The following ARHGAP21 variants were observed in gnomAD, a reference collection of about 807,000 sequenced individuals.
ARHGAP21 encodes the protein Rho GTPase activating protein 21.
ARHGAP21 carries 38 observed loss-of-function variants against 164.6 expected under a neutral mutation model. That is an observed-to-expected ratio of 0.23 (90% CI 0.18 to 0.30). ARHGAP21 has a LOEUF of 0.30. ARHGAP21 is among the 10% of genes least tolerant of loss of function. The pLI is 1.00. For missense variants in ARHGAP21, 1,822 were observed against 2,370.7 expected (o/e 0.77, Z 4.81); for synonymous variants, 766 against 857.9 (o/e 0.89, Z 1.87).
intron 14 of ARHGAP21, among the ~76,000 whole-genome samples, chr10:24,598,402 CAAAT>C: frequency 6.6e-6 from 1 of 152,180 alleles, no homozygotes; most frequent in South Asian, 2.1e-4. Context: ...AAAAGAAAAA[CAAAT>C]AATATAGGTG....
chr10:24,699,162 GCTC>G (rs1843425645), intron 2 of ARHGAP21, among the ~76,000 whole-genome samples: 1 of 151,748 alleles, frequency 6.6e-6, no homozygotes, highest in African/African-American at 2.4e-5. Flanking sequence ...CCCCTTTCTG[GCTC>G]CTATTATCTC....
At chr10:24,606,920 C>T (rs1433926736) in intron 11 of ARHGAP21, among the ~76,000 whole-genome samples, 1 of 152,172 alleles carries the variant, frequency 6.6e-6, no homozygotes, top group African/African-American at 2.4e-5. Context: ...TATTTATTCA[C>T]ATGTGCTAAC....
At chr10:24,587,212 A>G (rs1258209109) in intron 25 of ARHGAP21, among the ~76,000 whole-genome samples, 1 of 152,102 alleles carries the variant, frequency 6.6e-6, no homozygotes, top group Admixed American at 6.5e-5. Context: ...TAGAAGCCTT[A>G]GTCTCAAGCT....
At chr10:24,597,249 C>CT (rs933895847) in intron 16 of ARHGAP21, among the ~76,000 whole-genome samples, 198 bp downstream of exon 16, 3 of 152,114 alleles carry the variant, frequency 2.0e-5, no homozygotes, top group African/African-American at 7.2e-5. Context: ...TTTTCCCTCA[C>CT]TTTCGCTTTA....
chr10:24,668,975 G>A (rs1840451531), intron 3 of ARHGAP21, among the ~76,000 whole-genome samples: 1 of 152,118 alleles, frequency 6.6e-6, no homozygotes, highest in South Asian at 2.1e-4. Flanking sequence ...GCTCTCATAT[G>A]TGACCTAATG....
At chr10:24,596,531 C>G (rs1234914507) in intron 17 of ARHGAP21, 1 of 633,486 alleles carries the variant, frequency 1.6e-6, no homozygotes, top group Non-Finnish European at 2.6e-6. Flanking sequence ...CAGACAAATT[C>G]CTAATGGTTG....
At chr10:24,722,781 C>G (rs1346638520) in intron 1 of ARHGAP21, 1 of 151,988 alleles carries the variant, frequency 6.6e-6, no homozygotes. Flanking sequence ...CCCTCCGCCC[C>G]GGCCGGCGTC....
chr10:24,721,034 T>C (rs1384762123), intron 2 of ARHGAP21, among the ~76,000 whole-genome samples: 1 of 151,290 alleles, frequency 6.6e-6, no homozygotes, highest in African/African-American at 2.4e-5. Context: ...TATATGCGTG[T>C]CATAAATCAA....
At position 24,620,189 on chromosome 10, in the gene ARHGAP21, T is replaced by C. The variant is rs1834402314; in HGVS notation, c.1706A>G (p.Asn569Ser). ...CACTCCTCTACCACTCATTCGCCTGTTATCAGAATTAACAACGCTTGGAGC... is the reference window on the plus strand; with the variant it reads ...CACTCCTCTACCACTCATTCGCCTGCTATCAGAATTAACAACGCTTGGAGC... ...TVAPSVVNSD[N>S]RRMSGRGVGS... Residue 569 changes from asparagine to serine, a missense_variant, in exon 9 of 26, where the codon AAC (asparagine) becomes AGC (serine). Coordinates refer to ENST00000396432, the MANE Select transcript of ARHGAP21 (RefSeq NM_020824.4). The C allele has an allele frequency of 6.2e-7, 1 of 1,613,894 alleles. No homozygotes were observed. The highest frequency in any genetic ancestry group is 8.5e-7 in the Non-Finnish European group (1 of 1,179,894).
At chr10:24,622,820 T>G in intron 7 of ARHGAP21, 58 bp from the exon 8 acceptor site, 1 of 1,541,364 alleles carries the variant, frequency 6.5e-7, no homozygotes. Context: ...GACAAAATCA[T>G]GTTGTCATAT....
intron 9 of ARHGAP21, among the ~76,000 whole-genome samples, chr10:24,617,783 T>TA: frequency 6.6e-6 from 1 of 152,086 alleles, no homozygotes; most frequent in South Asian, 2.1e-4. Context: ...TTAAAAATGT[T>TA]CCCGTAGAAA....
chr10:24,702,408 G>C (rs1386343735), intron 2 of ARHGAP21, among the ~76,000 whole-genome samples: 1 of 152,006 alleles, frequency 6.6e-6, no homozygotes, highest in Non-Finnish European at 1.5e-5. Context: ...TAGGATTACA[G>C]GCGTGAGCCA....
chr10:24,618,734 G>A (rs563102053), intron 9 of ARHGAP21, among the ~76,000 whole-genome samples: 6 of 152,300 alleles, frequency 3.9e-5, no homozygotes, highest in African/African-American at 1.2e-4. Context: ...ATCAGAGAGG[G>A]AGTTGTGAGG....
In ARHGAP21 at chr10:24,583,769, C is replaced by T. The variant is rs1397867318; in HGVS notation, c.*643G>A. The T allele has an allele frequency of 6.6e-6, 1 of 152,612 alleles. No homozygotes were observed. Among genetic ancestry groups the T allele is most frequent in the Non-Finnish European group, 1.5e-5 (1 of 68,044 alleles). The allele number at this position is 152,612 out of a possible 1,614,324, so 9.5% of individuals were successfully genotyped here. A position where few individuals can be genotyped will look rare whatever the true frequency, so the allele number is the denominator to read the frequency against. On this transcript the variant is annotated 3_prime_UTR_variant, in exon 26 of 26. Coordinates refer to ENST00000396432, the MANE Select transcript of ARHGAP21 (RefSeq NM_020824.4). ...CACTATCTACACACCTATGTTACAA[C>T]ATTATATCAAATCTGGTATCTGAAG...
In ARHGAP21 at chr10:24,602,001, G is replaced by A. The variant is rs2076834546; in HGVS notation, c.2824C>T (p.Pro942Ser). The A allele has an allele frequency of 6.2e-7, 1 of 1,611,738 alleles. No homozygotes were observed. Among genetic ancestry groups the A allele is most frequent in the Non-Finnish European group, 8.5e-7 (1 of 1,179,758 alleles). Residue 942 changes from proline to serine, a missense_variant, in exon 13 of 26, where the codon CCC (proline) becomes TCC (serine). Coordinates refer to ENST00000396432, the MANE Select transcript of ARHGAP21 (RefSeq NM_020824.4). The part of the protein sequence containing the change: ...AAKEGWLHFR[P>S]LVTDKGKRVG... ...ACCTTGCCCTTATCGGTGACAAGGG[G>A]TCGGAAATGAAGCCACCCTTCCTTG... is the stretch of plus-strand genomic sequence containing the variant.
chr10:24,593,142 G>C (rs1487677761), intron 21 of ARHGAP21, among the ~76,000 whole-genome samples: 1 of 152,164 alleles, frequency 6.6e-6, no homozygotes, highest in Non-Finnish European at 1.5e-5. Context: ...AAAAGCAACT[G>C]CTGCACACCT....
intron 2 of ARHGAP21, among the ~76,000 whole-genome samples, chr10:24,678,304 G>T (rs1254325888): frequency 6.6e-6 from 1 of 152,036 alleles, no homozygotes; most frequent in Non-Finnish European, 1.5e-5. Flanking sequence ...TCTGTGCAGG[G>T]TTATCACATT....
At chr10:24,655,607 C>CGA (rs1211428302) in intron 4 of ARHGAP21, among the ~76,000 whole-genome samples, 1 of 151,292 alleles carries the variant, frequency 6.6e-6, no homozygotes, top group Non-Finnish European at 1.5e-5. Flanking sequence ...CCCAAAGTGC[C>CGA]GAGATTGCAG....
chr10:24,610,257 G>A (rs1210259245), intron 9 of ARHGAP21, among the ~76,000 whole-genome samples: 3 of 151,826 alleles, frequency 2.0e-5, no homozygotes, highest in Admixed American at 2.0e-4. Flanking sequence ...CGCGCCTGTA[G>A]TCCCAGCTAC....
Sources: gnomAD v4.1 joint callset for allele counts (sites outside exome capture counted in the v4.1 genomes callset) on GRCh38, gnomAD v4.1.1 for gene constraint, MANE v1.5 for transcripts, NCBI Gene and HGNC (gene_info 2026-07-23, HGNC 2026-07-21) for gene names.